LAMA3: variants seen among roughly 807,000 people sequenced by gnomAD.
The protein encoded by LAMA3 is laminin subunit alpha 3.
Under a neutral mutation model 402.0 loss-of-function variants are expected in LAMA3, and 281 were observed. The ratio of observed to expected loss-of-function variants is 0.70; its 90% CI spans 0.63 to 0.77. LAMA3 has a LOEUF of 0.77. LAMA3 is among the 30% of genes least tolerant of loss of function. The pLI is 0.00. For missense variants in LAMA3, 3,840 were observed against 4,215.5 expected (o/e 0.91, Z 2.47); for synonymous variants, 1,431 against 1,558.4 (o/e 0.92, Z 1.93).
chr18:23,876,536 A>T (rs2064721759), intron 39 of LAMA3, 129 bp downstream of exon 39: 1 of 657,024 alleles, frequency 1.5e-6, no homozygotes, highest in East Asian at 2.7e-5. Context: ...GTGTAAATAT[A>T]TGAGGCTCCA....
intron 21 of LAMA3, among the ~76,000 whole-genome samples, chr18:23,825,897 TC>T (rs889179751): frequency 1.3e-5 from 2 of 152,128 alleles, no homozygotes; most frequent in Non-Finnish European, 2.9e-5. Flanking sequence ...GGAGACATGG[TC>T]CCAAACTCAG....
rs929339707 is a variant in LAMA3, at chr18:23,846,508, C to T, written c.3931C>T (p.Pro1311Ser). Residue 1311 changes from proline to serine, a missense_variant and splice_region_variant, in exon 31 of 75, where the codon CCG (proline) becomes TCG (serine). By Grantham distance (74) the Pro-to-Ser change is moderately conservative (BLOSUM62 -1). Transcript: ENST00000313654. ...CCACTACGGATTCCCACGCTGCAAG[C>T]GTAAGTGCACGTTTCCCATCACCCA... is the stretch of plus-strand genomic sequence containing the variant. ...TGHYGFPRCKPCSCGRRLCEE... is the reference protein window; with the variant it reads ...TGHYGFPRCKSCSCGRRLCEE... 14 of 1,603,902 alleles carry T rather than the reference C, an allele frequency of 8.7e-6. No individual in the cohort carries two copies. Among genetic ancestry groups the T allele is most frequent in the Non-Finnish European group, 1.1e-5 (13 of 1,179,400 alleles).
rs146224668 is a variant in LAMA3 at position 23,930,717 on chromosome 18, C to G, written c.8437-345C>G. Among the ~76,000 whole-genome samples, 64 of 152,138 alleles carry G rather than the reference C, an allele frequency of 4.2e-4. No individual in the cohort carries two copies. The East Asian group carries it at 0.011, about 26-fold the overall frequency. ...CTAGCCTATGCAAGACAGCAAGACT[C>G]TGTCTCAAATAATAATAATAATAAG... On this transcript the variant is annotated intron_variant, in intron 64 of 74. Transcript: ENST00000313654.
chr18:23,866,188 G>C (rs925192891), intron 36 of LAMA3, among the ~76,000 whole-genome samples: 1 of 152,158 alleles, frequency 6.6e-6, no homozygotes, highest in South Asian at 2.1e-4. Flanking sequence ...TGAGGGCAAG[G>C]GTAGTATCAC....
At chr18:23,698,425 T>C (rs1052535855) in intron 1 of LAMA3, among the ~76,000 whole-genome samples, 11 of 152,126 alleles carry the variant, frequency 7.2e-5, no homozygotes, top group Admixed American at 4.6e-4. Flanking sequence ...CAGGATGGTC[T>C]CAATCTCCTG....
In LAMA3 at chr18:23,717,719, AATTTT is replaced by A. The variant is rs1296099602; in HGVS notation, c.447+3648_447+3652del. Among the ~76,000 whole-genome samples the A allele has an allele frequency of 9.3e-3, 1,088 of 116,748 alleles. 98 individuals carry two copies. The highest frequency in any genetic ancestry group is 0.04 in the African/African-American group (1,023 of 25,628). 76.6% of individuals were successfully genotyped at this position (116,748 alleles called of 152,430 possible). ...AGGTGCCCACCACCATGCCTGGCTA[AATTTT>A]TTTTTTTTTTTTTTTTTTTTTTTTT... is the stretch of plus-strand genomic sequence containing the variant. On this transcript the variant is annotated intron_variant, in intron 2 of 74. Transcript: ENST00000313654.
intron 4 of LAMA3, among the ~76,000 whole-genome samples, chr18:23,750,674 A>G (rs904647640): frequency 2.6e-5 from 4 of 152,060 alleles, no homozygotes; most frequent in African/African-American, 9.7e-5. Context: ...AAACGTAATG[A>G]TAACATCTCC....
At chr18:23,820,164 G>A (rs2063257227) in intron 19 of LAMA3, among the ~76,000 whole-genome samples, 167 bp downstream of exon 19, 2 of 152,146 alleles carry the variant, frequency 1.3e-5, no homozygotes, top group South Asian at 4.1e-4. Context: ...CTGGGGTTTG[G>A]GGTAGGGCTG....
chr18:23,873,965 T>C (rs2064619135), intron 38 of LAMA3, among the ~76,000 whole-genome samples: 2 of 152,222 alleles, frequency 1.3e-5, no homozygotes, highest in Admixed American at 1.3e-4. Flanking sequence ...GATTTTTTTG[T>C]AGAATGTGGT....
chr18:23,709,919 G>A, intron 1 of LAMA3: 13 of 714,618 alleles, frequency 1.8e-5, no homozygotes, highest in Non-Finnish European at 1.8e-5. Flanking sequence ...TCAGGGTGTT[G>A]ACTTTGGCCA....
At chr18:23,732,453 A>T (rs963989297) in intron 2 of LAMA3, among the ~76,000 whole-genome samples, 1 of 152,174 alleles carries the variant, frequency 6.6e-6, no homozygotes, top group African/African-American at 2.4e-5. Flanking sequence ...AACTCTTTCC[A>T]TTCCTTCTGT....
At chr18:23,847,440 G>A (rs1435710309) in intron 31 of LAMA3, 24 bp from the exon 32 acceptor site, 1 of 1,606,204 alleles carries the variant, frequency 6.2e-7, no homozygotes, top group African/African-American at 1.3e-5. Context: ...ACCCTCACAT[G>A]GTATTTCTTT....
In LAMA3 at chr18:23,902,971, A is replaced by G. The variant is rs1313632859; in HGVS notation, c.6202-38A>G. The G allele has an allele frequency of 1.5e-5, 18 of 1,196,328 alleles. No homozygotes were observed. The Admixed American group carries it at 3.0e-4, about 20-fold the overall frequency. The allele number at this position is 1,196,328 out of a possible 1,614,324, so 74.1% of individuals were successfully genotyped here. On this transcript the variant is annotated intron_variant, in intron 48 of 74. Coordinates refer to ENST00000313654, the MANE Select transcript of LAMA3 (RefSeq NM_198129.4). Reference sequence around the variant, plus strand: ...ATTTGTCTATGCCTTCTGATAATATATCATAGAGCTCAAGCAATTTTTTTT... The same window carrying G: ...ATTTGTCTATGCCTTCTGATAATATGTCATAGAGCTCAAGCAATTTTTTTT...
At chr18:23,746,035 T>C (rs1770142313) in intron 2 of LAMA3, among the ~76,000 whole-genome samples, 1 of 152,236 alleles carries the variant, frequency 6.6e-6, no homozygotes, top group Non-Finnish European at 1.5e-5. Context: ...AATAATGGGA[T>C]GTGTCTTTGG....
At chr18:23,776,775 G>C (rs1437459059) in intron 10 of LAMA3, among the ~76,000 whole-genome samples, 1 of 151,824 alleles carries the variant, frequency 6.6e-6, no homozygotes, top group Non-Finnish European at 1.5e-5. Context: ...TTTGGTTGAT[G>C]AGACACCACA....
chr18:23,841,116 G>T (rs1406014473), intron 27 of LAMA3, among the ~76,000 whole-genome samples: 3 of 152,160 alleles, frequency 2.0e-5, no homozygotes, highest in Non-Finnish European at 1.5e-5. Context: ...AATCCCATAT[G>T]GGAAAGGCAG....
At chr18:23,856,833 C>A (rs560659314) in intron 32 of LAMA3, among the ~76,000 whole-genome samples, 3 of 152,286 alleles carry the variant, frequency 2.0e-5, no homozygotes, top group East Asian at 3.9e-4. Context: ...AGAAACCTCA[C>A]CCCAAAATAG....
intron 12 of LAMA3, among the ~76,000 whole-genome samples, chr18:23,798,773 G>A (rs188099334): frequency 5.3e-4 from 80 of 152,314 alleles, no homozygotes; most frequent in African/African-American, 1.9e-3. Context: ...ACTGATGGCT[G>A]GCTTTTGGCT....
intron 62 of LAMA3, among the ~76,000 whole-genome samples, chr18:23,923,314 G>A (rs2081903256): frequency 6.6e-6 from 1 of 152,256 alleles, no homozygotes; most frequent in Non-Finnish European, 1.5e-5. Flanking sequence ...GAAGAAAAGG[G>A]CAGAGGCAGG....
Sources: allele counts gnomAD v4.1 joint callset (sites outside exome capture counted in the v4.1 genomes callset), GRCh38; gene constraint gnomAD v4.1.1; transcripts MANE v1.5; gene names NCBI Gene and HGNC (gene_info 2026-07-23, HGNC 2026-07-21).